ACTR1A: variants seen among roughly 807,000 people sequenced by gnomAD.
ACTR1A encodes actin related protein 1A, also known as alpha-centractin.
In ACTR1A, 10 loss-of-function variants were observed where a neutral mutation model predicts 50.7. The ratio of observed to expected loss-of-function variants is 0.20; its 90% CI spans 0.12 to 0.33. ACTR1A has a LOEUF of 0.33. Ranked by LOEUF, ACTR1A falls within the 10% of genes least tolerant of loss-of-function variation. The pLI is 1.00. For missense variants in ACTR1A, 253 were observed against 491.7 expected, an observed-to-expected ratio of 0.51 and a Z score of 4.59; for synonymous variants, 177 against 184.2, an observed-to-expected ratio of 0.96 and a Z score of 0.32.
chr10:102,486,605 A>C (rs1305577159), intron 4 of ACTR1A, among the ~76,000 whole-genome samples: 1 of 152,100 alleles, frequency 6.6e-6, no homozygotes, highest in African/African-American at 2.4e-5. Context: ...AGGCAGGAGA[A>C]TCGCTTGAAC....
intron 1 of ACTR1A, among the ~76,000 whole-genome samples, chr10:102,492,717 G>A (rs1322643189): frequency 2.0e-5 from 3 of 152,136 alleles, no homozygotes; most frequent in Admixed American, 2.0e-4. Context: ...AGTGGTTGAA[G>A]GAAGCCAGGT....
At chr10:102,500,253 G>A (rs1014253695) in intron 1 of ACTR1A, among the ~76,000 whole-genome samples, 8 of 152,152 alleles carry the variant, frequency 5.3e-5, no homozygotes, top group Admixed American at 4.6e-4. Flanking sequence ...GGCCAATATG[G>A]TGAAACCCCA....
In ACTR1A at chr10:102,482,667, G is replaced by A. The variant is rs889325545; in HGVS notation, c.750+344C>T. 3.2e-6 allele frequency: 1 copy of A among 309,434 alleles called. No individual in the cohort carries two copies. The highest frequency in any genetic ancestry group is 6.1e-6 in the Non-Finnish European group (1 of 164,630). The allele number at this position is 309,434 out of a possible 1,614,324, so 19.2% of individuals were successfully genotyped here. ...TGCTCAGGAGCTCTGCTGCTCCAGA[G>A]AGAGGGTGTAAGGCTGGGGTGTCCA... is the stretch of plus-strand genomic sequence containing the variant. On this transcript the variant is annotated intron_variant, in intron 7 of 10. Coordinates refer to ENST00000369905, the MANE Select transcript of ACTR1A (RefSeq NM_005736.4). The surrounding 1 kb of genome is among the most constrained non-coding windows in gnomAD (Gnocchi z 5.6).
At chr10:102,495,755 ATTTTTTTTTT>A (rs79530206) in intron 1 of ACTR1A, among the ~76,000 whole-genome samples, 1 of 99,548 alleles carries the variant, frequency 1.0e-5, no homozygotes, top group Non-Finnish European at 1.9e-5. Flanking sequence ...TAAATACACA[ATTTTTTTTTT>A]TTTTTTTTTT....
chr10:102,502,570 C>T (rs773113025), intron 1 of ACTR1A, 30 bp downstream of exon 1: 6 of 1,613,290 alleles, frequency 3.7e-6, no homozygotes, highest in African/African-American at 1.3e-5. Flanking sequence ...GAGCCCAAGT[C>T]CCCTTATAGA....
In ACTR1A at chr10:102,480,547, TC is replaced by T. The variant is rs1589958128; in HGVS notation, c.*315del. On this transcript the variant is annotated 3_prime_UTR_variant, in exon 11 of 11. Transcript: ENST00000369905. Reference sequence around the variant, plus strand: ...GGGGGATGGCTTACCTCCCTCTGTCTCCCTGTGGTAGTAAACGGAGTCCCCC... The same window carrying T: ...GGGGGATGGCTTACCTCCCTCTGTCTCCTGTGGTAGTAAACGGAGTCCCCC... 8.0e-6 allele frequency: 3 copies of T among 376,752 alleles called. No individual in the cohort carries two copies. Among genetic ancestry groups the T allele is most frequent in the South Asian group, 6.6e-5 (2 of 30,136 alleles). 23.3% of individuals were successfully genotyped at this position (376,752 alleles called of 1,614,324 possible).
intron 1 of ACTR1A, among the ~76,000 whole-genome samples, chr10:102,491,777 T>G (rs548707682): frequency 2.1e-4 from 32 of 152,034 alleles, no homozygotes; most frequent in Non-Finnish European, 4.6e-4. Flanking sequence ...TCCTCTTCCT[T>G]TTTTTTGAGA....
chr10:102,480,095 G>A lies in ACTR1A; in HGVS notation c.*768C>T, dbSNP rs2062130762. 1 of 159,796 alleles carries A rather than the reference G, an allele frequency of 6.3e-6. No individual in the cohort carries two copies. The highest frequency in any genetic ancestry group is 1.8e-4 in the East Asian group (1 of 5,464). The allele number at this position is 159,796 out of a possible 1,614,324, so 9.9% of individuals were successfully genotyped here. A position where few individuals can be genotyped will look rare whatever the true frequency, so the allele number is the denominator to read the frequency against. On this transcript the variant is annotated 3_prime_UTR_variant, in exon 11 of 11. Transcript: ENST00000369905. ...GAACAAACACTTCAATAAATAAAAC[G>A]GTTTGAAGATGGCATTGCAACAAGA...
chr10:102,494,093 C>CT (rs1382858607), intron 1 of ACTR1A, among the ~76,000 whole-genome samples: 2 of 152,264 alleles, frequency 1.3e-5, no homozygotes, highest in Non-Finnish European at 2.9e-5. Context: ...ATGTCCATTT[C>CT]TTTAACAGTA....
intron 1 of ACTR1A, among the ~76,000 whole-genome samples, chr10:102,500,940 G>A (rs1361945583): frequency 6.6e-6 from 1 of 151,836 alleles, no homozygotes; most frequent in Admixed American, 6.6e-5. Context: ...GGGTGGTGGC[G>A]CGTGCCTGCA....
At position 102,482,318 on chromosome 10, in the gene ACTR1A, G is replaced by A. The variant is rs895111022; in HGVS notation, c.751-143C>T. On this transcript the variant is annotated intron_variant, in intron 7 of 10. Transcript: ENST00000369905. This position sits in a 1 kb window ranked among gnomAD's most constrained non-coding sequence, Gnocchi z 5.6. ...GCTCAAGACAGACTCTACATGTCAA[G>A]GGCTTAAAGGAACAAAGATAGGCCT... 3 of 737,862 alleles carry A rather than the reference G, an allele frequency of 4.1e-6. No individual in the cohort carries two copies. The African/African-American group carries it at 5.3e-5, about 13-fold the overall frequency. 45.7% of individuals were successfully genotyped at this position (737,862 alleles called of 1,614,324 possible).
At chr10:102,501,652 T>C (rs566335031) in intron 1 of ACTR1A, among the ~76,000 whole-genome samples, 2 of 152,352 alleles carry the variant, frequency 1.3e-5, no homozygotes, top group East Asian at 3.9e-4. Flanking sequence ...GTACTGGATT[T>C]AGGGCACCTC....
intron 1 of ACTR1A, among the ~76,000 whole-genome samples, chr10:102,492,198 A>G (rs1292454156): frequency 6.8e-6 from 1 of 146,974 alleles, no homozygotes; most frequent in South Asian, 2.2e-4. Context: ...AGCCTCCTGA[A>G]TAGCTGGGAT....
In ACTR1A at chr10:102,482,756, TA is replaced by T; in HGVS notation, c.750+254del. 1 of 512,354 alleles carries T rather than the reference TA, an allele frequency of 2.0e-6. No individual in the cohort carries two copies. The highest frequency in any genetic ancestry group is 3.5e-6 in the Non-Finnish European group (1 of 285,054). 31.7% of individuals were successfully genotyped at this position (512,354 alleles called of 1,614,324 possible). A position where few individuals can be genotyped will look rare whatever the true frequency, so the allele number is the denominator to read the frequency against. Reference sequence around the variant, plus strand: ...GTCTTGGGCCACACATAATATACACTAACACTAATGACAGCTGCTGAGCTAA... The same window carrying T: ...GTCTTGGGCCACACATAATATACACTACACTAATGACAGCTGCTGAGCTAA... On this transcript the variant is annotated intron_variant, in intron 7 of 10. Coordinates refer to ENST00000369905, the MANE Select transcript of ACTR1A (RefSeq NM_005736.4). The surrounding 1 kb of genome is among the most constrained non-coding windows in gnomAD (Gnocchi z 5.6).
intron 1 of ACTR1A, among the ~76,000 whole-genome samples, chr10:102,492,556 G>A (rs980997107): frequency 2.0e-5 from 3 of 152,152 alleles, no homozygotes; most frequent in African/African-American, 7.2e-5. Flanking sequence ...GAGACTCTAA[G>A]TAGCCAAGGT....
At position 102,480,946 on chromosome 10, in the gene ACTR1A, G is replaced by A. The variant is rs913132040; in HGVS notation, c.1048C>T (p.Leu350=). The part of the protein sequence containing the change: ...TWIGGSILAS[L]DTFKKMWVSK... ...ACCCACATCTTCTTAAAGGTGTCCA[G>A]GGAGGCAAGGATGGAGCCCCTGGAG... Residue 350 remains leucine (L), a synonymous_variant, in exon 11 of 11, where the codon CTG becomes TTG. Coordinates refer to ENST00000369905, the MANE Select transcript of ACTR1A (RefSeq NM_005736.4). 2 of 1,613,976 alleles carry A rather than the reference G, an allele frequency of 1.2e-6. No homozygotes were observed. The highest frequency in any genetic ancestry group is 2.7e-5 in the African/African-American group (2 of 74,932).
At chr10:102,486,582 C>T (rs2062169176) in intron 4 of ACTR1A, among the ~76,000 whole-genome samples, 1 of 152,020 alleles carries the variant, frequency 6.6e-6, no homozygotes. Flanking sequence ...ATCCCAGCTA[C>T]TCAGGAAGGC....
intron 5 of ACTR1A, among the ~76,000 whole-genome samples, chr10:102,485,206 G>T (rs1299005711): frequency 6.6e-6 from 1 of 152,188 alleles, no homozygotes; most frequent in Non-Finnish European, 1.5e-5. Context: ...ATGGGAACAA[G>T]GACTGTGGTG....
chr10:102,500,486 G>A (rs963138096), intron 1 of ACTR1A, among the ~76,000 whole-genome samples: 9 of 151,688 alleles, frequency 5.9e-5, no homozygotes, highest in Non-Finnish European at 8.8e-5. Flanking sequence ...GGAGAATGGC[G>A]TGAACCCGGG....
Sources: allele counts gnomAD v4.1 joint callset (sites outside exome capture counted in the v4.1 genomes callset), GRCh38; gene constraint gnomAD v4.1.1; non-coding constraint Gnocchi (gnomAD v3.1); transcripts MANE v1.5; gene names NCBI Gene and HGNC (gene_info 2026-07-23, HGNC 2026-07-21).